Variants in SHISA9 observed in about 807,000 individuals in gnomAD.
SHISA9 encodes shisa family member 9.
In SHISA9, 13 loss-of-function variants were observed where a neutral mutation model predicts 38.0. That is an observed-to-expected ratio of 0.34 (90% confidence interval 0.22 to 0.54). The LOEUF is 0.54. Among genes scored for constraint, SHISA9 ranks in the 20% least tolerant of loss-of-function variants. The pLI is 0.91. For synonymous variants in SHISA9, 275 were observed against 242.0 expected (o/e 1.14, Z -1.27); for missense variants, 538 against 575.8 (o/e 0.93, Z 0.67).
intron 2 of SHISA9, among the ~76,000 whole-genome samples, chr16:13,109,208 T>G (rs1484967534): frequency 6.6e-6 from 1 of 152,118 alleles, no homozygotes; most frequent in African/African-American, 2.4e-5. Context: ...TCTATTTTTT[T>G]GTAGGGATGG....
intron 2 of SHISA9, among the ~76,000 whole-genome samples, chr16:13,160,731 C>T (rs2142012350): frequency 6.6e-6 from 1 of 152,308 alleles, no homozygotes; most frequent in South Asian, 2.1e-4. Flanking sequence ...GCCCTCTGGA[C>T]CTCCCATTTC....
the SHISA9 span, among the ~76,000 whole-genome samples, chr16:13,544,244 ATATAT>A: frequency 2.2e-3 from 327 of 148,534 alleles, 1 homozygote; most frequent in Middle Eastern, 0.011. Context: ...ATATATCTAG[ATATAT>A]TATATATAAT....
the SHISA9 span, among the ~76,000 whole-genome samples, chr16:13,523,130 C>T: frequency 2.0e-5 from 3 of 152,100 alleles, no homozygotes; most frequent in African/African-American, 7.2e-5. Context: ...GGCAGATCAC[C>T]TGACATCAGG....
At chr16:13,017,906 A>G (rs1160202171) in intron 2 of SHISA9, among the ~76,000 whole-genome samples, 1 of 152,216 alleles carries the variant, frequency 6.6e-6, no homozygotes, top group Non-Finnish European at 1.5e-5. Flanking sequence ...CCCTTGTTCA[A>G]TGAAAAAATT....
the SHISA9 span, among the ~76,000 whole-genome samples, chr16:13,512,315 C>T: frequency 6.6e-6 from 1 of 151,960 alleles, no homozygotes. Flanking sequence ...CGTGAAGGAC[C>T]TTTTCAAGGA....
chr16:13,063,738 T>G (rs1419415222), intron 2 of SHISA9, among the ~76,000 whole-genome samples: 1 of 152,114 alleles, frequency 6.6e-6, no homozygotes, highest in Non-Finnish European at 1.5e-5. Flanking sequence ...ACACACACAT[T>G]GGTACCATGA....
the SHISA9 span, among the ~76,000 whole-genome samples, chr16:13,262,631 T>TGGAAGGAAGGAAGGAA: frequency 2.8e-3 from 219 of 77,964 alleles, 2 homozygotes; most frequent in South Asian, 3.2e-3. Context: ...ATTGTTATTG[T>TGGAAGGAAGGAAGGAA]GGAAGGAAGG....
intron 2 of SHISA9, among the ~76,000 whole-genome samples, chr16:13,036,962 T>G (rs932757319): frequency 2.6e-5 from 4 of 152,066 alleles, no homozygotes; most frequent in African/African-American, 9.7e-5. Context: ...ACCAACCACT[T>G]GTAAATTAAA....
chr16:12,958,378 TAA>T (rs2071864382), intron 2 of SHISA9, among the ~76,000 whole-genome samples: 3 of 152,358 alleles, frequency 2.0e-5, no homozygotes, highest in East Asian at 1.9e-4. Context: ...TTCTCTCAGA[TAA>T]AGTCTTAGAA....
At chr16:13,300,825 TC>T in the SHISA9 span, among the ~76,000 whole-genome samples, 1 of 134,840 alleles carries the variant, frequency 7.4e-6, no homozygotes, top group African/African-American at 2.8e-5. Flanking sequence ...TGATAAAATC[TC>T]CCCCCTCCCC....
At chr16:13,421,364 C>G in the SHISA9 span, among the ~76,000 whole-genome samples, 1 of 152,176 alleles carries the variant, frequency 6.6e-6, no homozygotes, top group African/African-American at 2.4e-5. Context: ...GAGGAGTCCT[C>G]AGAATCATGG....
At chr16:13,393,052 T>C in the SHISA9 span, among the ~76,000 whole-genome samples, 7 of 152,328 alleles carry the variant, frequency 4.6e-5, no homozygotes, top group South Asian at 1.5e-3. Flanking sequence ...TTCTGCCCAC[T>C]GATGGGAACC....
At chr16:13,476,110 C>T in the SHISA9 span, among the ~76,000 whole-genome samples, 2 of 152,080 alleles carry the variant, frequency 1.3e-5, no homozygotes, top group African/African-American at 4.8e-5. Flanking sequence ...TTTTTTTCCT[C>T]CCAGTAAACA....
chr16:13,098,500 A>G (rs2073848667), intron 2 of SHISA9, among the ~76,000 whole-genome samples: 1 of 152,066 alleles, frequency 6.6e-6, no homozygotes, highest in South Asian at 2.1e-4. Context: ...TGCCTTTGGA[A>G]TTTCTGAATC....
the SHISA9 span, among the ~76,000 whole-genome samples, chr16:13,446,998 A>G: frequency 9.5e-5 from 14 of 147,244 alleles, no homozygotes; most frequent in Admixed American, 8.1e-4. Flanking sequence ...AAAAAAAAAA[A>G]GTGAAAGGGA....
chr16:13,394,173 C>T, the SHISA9 span, among the ~76,000 whole-genome samples: 2 of 152,182 alleles, frequency 1.3e-5, no homozygotes, highest in Non-Finnish European at 1.5e-5. Flanking sequence ...ACACACCCCA[C>T]GTAGAAACTA....
chr16:12,945,526 T>C (rs2071676638), intron 2 of SHISA9, among the ~76,000 whole-genome samples: 1 of 152,210 alleles, frequency 6.6e-6, no homozygotes, highest in South Asian at 2.1e-4. Context: ...AGGAGACACA[T>C]TTTAATGCAT....
the SHISA9 span, among the ~76,000 whole-genome samples, chr16:13,457,422 G>C: frequency 6.6e-6 from 1 of 152,008 alleles, no homozygotes; most frequent in South Asian, 2.1e-4. Flanking sequence ...GAGTAGTCTT[G>C]CCTGGACTGT....
intron 2 of SHISA9, among the ~76,000 whole-genome samples, chr16:13,163,932 G>A (rs546908359): frequency 5.3e-5 from 8 of 152,056 alleles, no homozygotes; most frequent in African/African-American, 1.9e-4. Context: ...AATAAACACA[G>A]TATTAATTTT....
Sources: gnomAD v4.1 joint callset for allele counts (sites outside exome capture counted in the v4.1 genomes callset) on GRCh38, gnomAD v4.1.1 for gene constraint, MANE v1.5 for transcripts, NCBI Gene and HGNC (gene_info 2026-07-23, HGNC 2026-07-21) for gene names.